GALNT2: variants seen among roughly 807,000 people sequenced by gnomAD.
The protein encoded by GALNT2 is polypeptide N-acetylgalactosaminyltransferase 2, also known as UDP-GalNAc:polypeptide N-acetylgalactosaminyltransferase 2.
In GALNT2, 31 loss-of-function variants were observed where a neutral mutation model predicts 81.4. The observed-to-expected ratio is 0.38, with a 90% CI of 0.29 to 0.51. GALNT2 has a LOEUF of 0.51. Ranked by LOEUF, GALNT2 falls within the 20% of genes least tolerant of loss-of-function variation. The pLI, the probability that GALNT2 is intolerant of heterozygous loss-of-function variation, is 0.87. For missense variants in GALNT2, 629 were observed against 765.7 expected (o/e 0.82, Z 2.11); for synonymous variants, 303 against 287.4 (o/e 1.05, Z -0.55).
chr1:230,174,344 G>T (rs1474547662), intron 1 of GALNT2, among the ~76,000 whole-genome samples: 6 of 152,176 alleles, frequency 3.9e-5, no homozygotes, highest in Non-Finnish European at 8.8e-5. Flanking sequence ...TCCCTGAGTG[G>T]TCTCCCTCCT....
intron 15 of GALNT2, among the ~76,000 whole-genome samples, chr1:230,274,969 CATAT>C (rs34483531): frequency 1.4e-5 from 2 of 142,438 alleles, no homozygotes; most frequent in Non-Finnish European, 3.2e-5. Context: ...ATACACACCA[CATAT>C]ATATACATGC....
intron 1 of GALNT2, among the ~76,000 whole-genome samples, chr1:230,077,025 C>T (rs762392465): frequency 2.0e-5 from 3 of 152,142 alleles, no homozygotes; most frequent in African/African-American, 4.8e-5. Flanking sequence ...CTTGAGGAGC[C>T]GGTGCAAATT....
chr1:230,249,906 G>A (rs368768293), intron 9 of GALNT2, among the ~76,000 whole-genome samples: 8 of 152,178 alleles, frequency 5.3e-5, no homozygotes, highest in African/African-American at 1.7e-4. Flanking sequence ...GCACAGCATC[G>A]CTTCTGGGAA....
intron 1 of GALNT2, among the ~76,000 whole-genome samples, chr1:230,120,477 T>G (rs1558093319): frequency 6.6e-6 from 1 of 152,060 alleles, no homozygotes; most frequent in East Asian, 1.9e-4. Context: ...TCTTGGTACC[T>G]CCACACATCC....
At chr1:230,156,703 A>T (rs1662268094) in intron 1 of GALNT2, among the ~76,000 whole-genome samples, 1 of 152,136 alleles carries the variant, frequency 6.6e-6, no homozygotes, top group East Asian at 1.9e-4. Flanking sequence ...GCAATGTGGA[A>T]CTCGGGGCCA....
intron 14 of GALNT2, among the ~76,000 whole-genome samples, chr1:230,266,107 TTGCC>T (rs1666030310): frequency 1.3e-5 from 2 of 152,102 alleles, no homozygotes; most frequent in Admixed American, 1.3e-4. Flanking sequence ...GGCAGGAGAA[TTGCC>T]TGAACCCGGG....
intron 1 of GALNT2, among the ~76,000 whole-genome samples, chr1:230,093,410 GT>G (rs10713778): frequency 0.71 from 107,806 of 152,054 alleles, 38,468 homozygotes; most frequent in African/African-American, 0.78. Flanking sequence ...TTAGATCACA[GT>G]TGTGTAAAGG....
intron 1 of GALNT2, among the ~76,000 whole-genome samples, chr1:230,158,242 G>A (rs534928522): frequency 3.0e-4 from 46 of 152,260 alleles, no homozygotes; most frequent in Middle Eastern, 3.4e-3. Context: ...GATGAGTAGC[G>A]TGGGGAGATG....
At chr1:230,095,905 A>G (rs1194405829) in intron 1 of GALNT2, among the ~76,000 whole-genome samples, 7 of 152,246 alleles carry the variant, frequency 4.6e-5, no homozygotes, top group African/African-American at 1.2e-4. Context: ...GGCCTCAGAC[A>G]GGTGAGAGAG....
chr1:230,274,479 A>G lies in GALNT2; in HGVS notation c.1475A>G (p.His492Arg). The change falls in exon 15 of 16, where the codon CAC (histidine) becomes CGC (arginine). Residue 492 changes from histidine to arginine, a missense_variant. By Grantham distance (29) the His-to-Arg change is conservative. Around this residue, in one of 3 missense-constraint regions of GALNT2, gnomAD observed 207 missense variants for 225.5 expected, o/e 0.92. Coordinates refer to ENST00000366672, the MANE Select transcript of GALNT2 (RefSeq NM_004481.5). The part of the protein sequence containing the change: ...WALTKEKSVK[H>R]MDLCLTVVDR... The stretch of plus-strand genomic sequence containing the variant: ...TTGACGAAGGAGAAGTCGGTGAAGC[A>G]CATGGATTTGTGCCTTACTGTGGTG... 1 of 1,613,810 alleles carries G rather than the reference A, an allele frequency of 6.2e-7. No homozygotes were observed. The highest frequency in any genetic ancestry group is 8.5e-7 in the Non-Finnish European group (1 of 1,179,826).
chr1:230,218,314 G>A (rs917827294), intron 3 of GALNT2, among the ~76,000 whole-genome samples: 7 of 152,216 alleles, frequency 4.6e-5, no homozygotes, highest in Non-Finnish European at 1.0e-4. Flanking sequence ...TGCTGAGCAG[G>A]GAGCAGTACA....
Position 230,067,420 on chromosome 1 carries a change from C to A in GALNT2, c.126+14C>A. Reference sequence around the variant, plus strand: ...GCCGGCAGGAAGGTGAGTGGAGCGCCCTGCCGCGGCCGGGCCCCTGCGCCC... The same window carrying A: ...GCCGGCAGGAAGGTGAGTGGAGCGCACTGCCGCGGCCGGGCCCCTGCGCCC... On this transcript the variant is annotated intron_variant, in intron 1 of 15. Coordinates refer to ENST00000366672, the MANE Select transcript of GALNT2 (RefSeq NM_004481.5). 8.9e-7 allele frequency: 1 copy of A among 1,125,084 alleles called. No individual in the cohort carries two copies. The highest frequency in any genetic ancestry group is 1.1e-6 in the Non-Finnish European group (1 of 893,618). The allele number at this position is 1,125,084 out of a possible 1,614,324, so 69.7% of individuals were successfully genotyped here.
At chr1:230,276,161 A>G (rs1420393570) in intron 15 of GALNT2, among the ~76,000 whole-genome samples, 2 of 152,002 alleles carry the variant, frequency 1.3e-5, no homozygotes, top group South Asian at 2.1e-4. Context: ...ATATATATAC[A>G]TATATACACA....
At chr1:230,267,827 C>G (rs1666074824) in intron 14 of GALNT2, among the ~76,000 whole-genome samples, 1 of 152,180 alleles carries the variant, frequency 6.6e-6, no homozygotes, top group South Asian at 2.1e-4. Flanking sequence ...GTCCTTGTAG[C>G]TCCTCCATCC....
chr1:230,065,635 A>G (rs535558980), upstream of GALNT2, among the ~76,000 whole-genome samples: 1 of 152,268 alleles, frequency 6.6e-6, no homozygotes, highest in East Asian at 1.9e-4. Context: ...TTCTGTTACT[A>G]GGCATTTTGA....
In GALNT2 at chr1:230,070,426, T is replaced by G. The variant is rs1659337877; in HGVS notation, c.126+3020T>G. On this transcript the variant is annotated intron_variant, in intron 1 of 15. Coordinates refer to ENST00000366672, the MANE Select transcript of GALNT2 (RefSeq NM_004481.5). This position sits in a 1 kb window ranked among gnomAD's most constrained non-coding sequence, Gnocchi z 4.7. ...GAAGGGATTTCTCTGGAAATGAAGC[T>G]GCCTGTGGGTGAAGTGTGGCTGTTT... Among the ~76,000 whole-genome samples the G allele has an allele frequency of 6.6e-6, 1 of 152,170 alleles. No individual in the cohort carries two copies. The highest frequency in any genetic ancestry group is 2.4e-5 in the African/African-American group (1 of 41,422).
intron 2 of GALNT2, among the ~76,000 whole-genome samples, chr1:230,180,806 A>G (rs139066089): frequency 9.2e-5 from 14 of 152,266 alleles, no homozygotes; most frequent in African/African-American, 3.4e-4. Flanking sequence ...AGTTTTCCTC[A>G]TACAGAATTT....
intron 1 of GALNT2, among the ~76,000 whole-genome samples, chr1:230,120,832 A>T (rs1660994466): frequency 1.3e-5 from 2 of 152,150 alleles, no homozygotes; most frequent in South Asian, 4.2e-4. Context: ...GCTGAATCTC[A>T]GGCTAGATCA....
intron 1 of GALNT2, among the ~76,000 whole-genome samples, chr1:230,125,391 C>G (rs1421847632): frequency 6.6e-6 from 1 of 152,208 alleles, no homozygotes; most frequent in Admixed American, 6.5e-5. Flanking sequence ...CGACCCCTCC[C>G]TCAGGAGTGT....
Sources: allele counts gnomAD v4.1 joint callset (sites outside exome capture counted in the v4.1 genomes callset), GRCh38; gene constraint gnomAD v4.1.1; regional missense constraint gnomAD v4.1.1; non-coding constraint Gnocchi (gnomAD v3.1); transcripts MANE v1.5; gene names NCBI Gene and HGNC (gene_info 2026-07-23, HGNC 2026-07-21).